The following ADCY9 variants were observed in gnomAD, a reference collection of about 807,000 sequenced individuals.
ADCY9 encodes adenylate cyclase 9, also known as adenylate cyclase type 9.
Under a neutral mutation model 101.5 loss-of-function variants are expected in ADCY9, and 50 were observed. That is an observed-to-expected ratio of 0.49 (90% CI 0.39 to 0.62). The LOEUF (loss-of-function observed/expected upper bound fraction) is 0.62, where lower values mean the gene tolerates loss of function less well. Ranked by LOEUF, ADCY9 falls within the 20% of genes least tolerant of loss-of-function variation. ADCY9 has a pLI of 0.00. For synonymous variants in ADCY9, 905 were observed against 769.3 expected, an observed-to-expected ratio of 1.18 and a Z score of -2.92; for missense variants, 1,662 against 1,800.4, an observed-to-expected ratio of 0.92 and a Z score of 1.39.
intron 3 of ADCY9, among the ~76,000 whole-genome samples, chr16:4,006,067 G>A (rs1258964094): frequency 2.0e-5 from 3 of 152,128 alleles, no homozygotes; most frequent in Non-Finnish European, 4.4e-5. Context: ...AAGAGTACAG[G>A]GAAGAGAGGG....
downstream of ADCY9, among the ~76,000 whole-genome samples, chr16:3,960,937 C>A (rs992993446): frequency 2.6e-5 from 4 of 152,206 alleles, no homozygotes; most frequent in African/African-American, 9.6e-5. Flanking sequence ...TCTTGGCTTT[C>A]TCCGGTTAGT....
rs746313552 is a variant in ADCY9 at position 3,974,698 on chromosome 16, A to G, written c.2841T>C (p.Thr947=). Residue 947 remains threonine (T), a synonymous_variant, in exon 10 of 11, where the codon ACT becomes ACC. Coordinates refer to ENST00000294016, the MANE Select transcript of ADCY9 (RefSeq NM_001116.4). ...VSLCPDSSVL[T]SPLDAVQNFS... ...AATTCTGTACTGCGTCAAGGGGCGAAGTTAATACAGAACTGAAATTAAAAT... is the reference window on the plus strand; with the variant it reads ...AATTCTGTACTGCGTCAAGGGGCGAGGTTAATACAGAACTGAAATTAAAAT... The G allele has an allele frequency of 2.5e-6, 4 of 1,612,822 alleles. No homozygotes were observed.
At chr16:4,084,392 C>A (rs8058659) in intron 2 of ADCY9, among the ~76,000 whole-genome samples, 152,081 of 152,138 alleles carry the variant, frequency 1, 76,012 homozygotes, top group Middle Eastern at 1. Flanking sequence ...GTTTACAGGC[C>A]TGAGCCACCG....
intron 2 of ADCY9, among the ~76,000 whole-genome samples, chr16:4,011,406 A>G (rs868673242): frequency 7.4e-4 from 112 of 152,156 alleles, no homozygotes; most frequent in African/African-American, 2.7e-3. Flanking sequence ...GAAGAGCCAC[A>G]TAGGAGGCAT....
chr16:4,097,487 T>TATATATATATATATACACACAC (rs76750792), intron 2 of ADCY9, among the ~76,000 whole-genome samples: 8 of 72,504 alleles, frequency 1.1e-4, no homozygotes, highest in Non-Finnish European at 1.6e-4. Flanking sequence ...TATATATATA[T>TATATATATATATATACACACAC]ACACACACAC....
Position 4,114,097 on chromosome 16 carries a change from G to A in ADCY9, c.1346C>T (p.Ala449Val). 3 of 1,613,794 alleles carry A rather than the reference G, an allele frequency of 1.9e-6. No individual in the cohort carries two copies. Among genetic ancestry groups the A allele is most frequent in the Non-Finnish European group, 2.5e-6 (3 of 1,180,032 alleles). ...STLGDCYYCVAGCPEPRADHA... is the reference protein window; with the variant it reads ...STLGDCYYCVVGCPEPRADHA... ...GTCGGCCCGGGGCTCGGGACAGCCC[G>A]CCACGCAGTAGTAACAGTCTCCCAG... The change falls in exon 2 of 11, where the codon GCG becomes GTG. Residue 449 changes from alanine (A) to valine (V), a missense_variant. By Grantham distance (64) the Ala-to-Val change is moderately conservative (BLOSUM62 0). Around this residue, in one of 5 missense-constraint regions of ADCY9, gnomAD observed 228 missense variants for 301.1 expected, o/e 0.76. Coordinates refer to ENST00000294016, the MANE Select transcript of ADCY9 (RefSeq NM_001116.4). This position sits in a 1 kb window ranked among gnomAD's most constrained non-coding sequence, Gnocchi z 4.3.
intron 2 of ADCY9, among the ~76,000 whole-genome samples, chr16:4,086,410 A>C (rs768504220): frequency 6.6e-5 from 10 of 152,012 alleles, no homozygotes; most frequent in Non-Finnish European, 1.2e-4. Flanking sequence ...CACATCACCC[A>C]GGCCTGTGAT....
chr16:3,980,512 C>T (rs971958116), intron 7 of ADCY9, among the ~76,000 whole-genome samples: 6 of 152,156 alleles, frequency 3.9e-5, no homozygotes, highest in Admixed American at 3.3e-4. Context: ...TGGGCGGGGG[C>T]CGCTGTTGTG....
chr16:3,977,528 C>A lies in ADCY9; in HGVS notation c.2782G>T (p.Gly928Trp). 1 of 1,595,504 alleles carries A rather than the reference C, an allele frequency of 6.3e-7. No individual in the cohort carries two copies. Among genetic ancestry groups the A allele is most frequent in the Non-Finnish European group, 8.5e-7 (1 of 1,171,332 alleles). Residue 928 changes from glycine to tryptophan, a missense_variant, in exon 9 of 11, where the codon GGG becomes TGG. Coordinates refer to ENST00000294016, the MANE Select transcript of ADCY9 (RefSeq NM_001116.4). ...TAGAGCAGGAGCAGCGGCCCGGCCCCCACGACGGTGGCGAGGGAGGACCTC... is the reference window on the plus strand; with the variant it reads ...TAGAGCAGGAGCAGCGGCCCGGCCCACACGACGGTGGCGAGGGAGGACCTC... ...WMRSSLATVV[G>W]AGPLLLLYVS...
At chr16:4,003,496 A>C (rs1418347647) in intron 3 of ADCY9, among the ~76,000 whole-genome samples, 2 of 151,498 alleles carry the variant, frequency 1.3e-5, no homozygotes, top group East Asian at 3.9e-4. Context: ...TCTCTTCCTT[A>C]TCACCACCGC....
intron 3 of ADCY9, among the ~76,000 whole-genome samples, chr16:4,005,982 C>G (rs575319032): frequency 6.6e-6 from 1 of 152,184 alleles, no homozygotes; most frequent in Non-Finnish European, 1.5e-5. Context: ...ACAACGTCAG[C>G]CCAGGCAAGG....
chr16:4,055,960 G>C (rs532382742), intron 2 of ADCY9, among the ~76,000 whole-genome samples: 1 of 152,186 alleles, frequency 6.6e-6, no homozygotes, highest in South Asian at 2.1e-4. Context: ...TACAAGCGCT[G>C]CAACGACTGG....
chr16:4,053,224 C>A (rs1447923160), intron 2 of ADCY9, among the ~76,000 whole-genome samples: 2 of 152,122 alleles, frequency 1.3e-5, no homozygotes, highest in Non-Finnish European at 2.9e-5. Flanking sequence ...TCAAGTGAGC[C>A]GCAAGAGACT....
intron 2 of ADCY9, among the ~76,000 whole-genome samples, chr16:4,044,481 A>G (rs1018854578): frequency 6.6e-6 from 1 of 152,230 alleles, no homozygotes; most frequent in Non-Finnish European, 1.5e-5. Flanking sequence ...AGGAAATCAA[A>G]AAAAGGCTTC....
chr16:3,966,233 C>T lies in ADCY9; in HGVS notation c.3604G>A (p.Val1202Met), dbSNP rs778892072. The change falls in exon 11 of 11, where the codon GTG (valine) becomes ATG (methionine). Residue 1202 changes from valine to methionine, a missense_variant. By Grantham distance (21) the Val-to-Met change is conservative. Transcript: ENST00000294016. ...NIASRMDTTG[V>M]ECRIQVSEES... ...TCGCTCACCTGGATGCGGCACTCCA[C>T]GCCGGTGGTGTCCATCCTGCTGGCG... 1.9e-5 allele frequency: 30 copies of T among 1,614,240 alleles called. No homozygotes were observed. Among genetic ancestry groups the T allele is most frequent in the Non-Finnish European group, 2.3e-5 (27 of 1,180,048 alleles).
Position 4,053,175 on chromosome 16 carries a change from C to T in ADCY9, c.1694-45617G>A, listed in dbSNP as rs115356605. On this transcript the variant is annotated intron_variant, in intron 2 of 10. Coordinates refer to ENST00000294016, the MANE Select transcript of ADCY9 (RefSeq NM_001116.4). ...CATGCGCTTCCGGCCACGCATCACA[C>T]GCACATACACCAGCGCGGTTATCCA... Among the ~76,000 whole-genome samples the T allele has an allele frequency of 4.9e-3, 746 of 152,318 alleles. 3 individuals are homozygous for T. Among genetic ancestry groups the T allele is most frequent in the African/African-American group, 0.016 (667 of 41,568 alleles).
intron 2 of ADCY9, among the ~76,000 whole-genome samples, chr16:4,020,146 C>T (rs1329104660): frequency 1.3e-5 from 2 of 152,246 alleles, no homozygotes; most frequent in African/African-American, 2.4e-5. Context: ...ATCCTGTAGC[C>T]GTCCAGTTCT....
downstream of ADCY9, among the ~76,000 whole-genome samples, chr16:3,958,290 C>G (rs1448614083): frequency 3.3e-5 from 5 of 152,082 alleles, no homozygotes. Context: ...GCCTGTAACC[C>G]CAGCACTCTG....
At chr16:4,043,950 G>GT (rs1219066671) in intron 2 of ADCY9, among the ~76,000 whole-genome samples, 1 of 152,022 alleles carries the variant, frequency 6.6e-6, no homozygotes, top group African/African-American at 2.4e-5. Flanking sequence ...CTTTTTTGTT[G>GT]TTTTTTTATT....
Sources: gnomAD v4.1 joint callset for allele counts (sites outside exome capture counted in the v4.1 genomes callset) on GRCh38, gnomAD v4.1.1 for gene constraint, gnomAD v4.1.1 regional missense constraint, Gnocchi (gnomAD v3.1) non-coding constraint, MANE v1.5 for transcripts, NCBI Gene and HGNC (gene_info 2026-07-23, HGNC 2026-07-21) for gene names.